The following SRPK2 variants were observed in gnomAD, a reference collection of about 807,000 sequenced individuals.
SRPK2 encodes the protein SFRS protein kinase 2.
SRPK2 carries 21 observed loss-of-function variants against 90.8 expected under a neutral mutation model. That is an observed-to-expected ratio of 0.23 (90% CI 0.16 to 0.33). SRPK2 has a LOEUF of 0.33. Ranked by LOEUF, SRPK2 falls within the 10% of genes least tolerant of loss-of-function variation. The probability of loss-of-function intolerance (pLI) is 1.00; values close to 1 mark genes in which losing one functional copy is unlikely to be tolerated. For synonymous variants in SRPK2, 288 were observed against 311.1 expected (o/e 0.93, Z 0.78); for missense variants, 620 against 869.0 (o/e 0.71, Z 3.60).
chr7:105,364,960 G>C (rs1461663946), intron 2 of SRPK2, among the ~76,000 whole-genome samples: 3 of 152,116 alleles, frequency 2.0e-5, no homozygotes, highest in Non-Finnish European at 4.4e-5. Flanking sequence ...ACAACCAAAG[G>C]ACTGGCAGCC....
chr7:105,134,941 G>A (rs1005881305), intron 11 of SRPK2, among the ~76,000 whole-genome samples: 5 of 152,144 alleles, frequency 3.3e-5, no homozygotes, highest in African/African-American at 7.2e-5. Context: ...TATGAGCTCA[G>A]GAAAAGAAAC....
chr7:105,137,938 G>T (rs1485947173), intron 11 of SRPK2, among the ~76,000 whole-genome samples: 1 of 152,136 alleles, frequency 6.6e-6, no homozygotes, highest in African/African-American at 2.4e-5. Flanking sequence ...CACCTCCCAT[G>T]GGGGAGGCTG....
At chr7:105,188,794 G>C (rs1558048) in intron 3 of SRPK2, among the ~76,000 whole-genome samples, 62,424 of 152,110 alleles carry the variant, frequency 0.41, 14,765 homozygotes, top group Non-Finnish European at 0.53. Flanking sequence ...ACTCGTAACA[G>C]GTTCTGTTTG....
chr7:105,386,995 G>A (rs1049005477), intron 2 of SRPK2, among the ~76,000 whole-genome samples: 12 of 152,090 alleles, frequency 7.9e-5, no homozygotes, highest in African/African-American at 2.7e-4. Context: ...CCAAACTGCG[G>A]CCCACCAAAA....
intron 2 of SRPK2, among the ~76,000 whole-genome samples, chr7:105,328,365 C>G (rs909005317): frequency 6.8e-6 from 1 of 148,006 alleles, no homozygotes; most frequent in South Asian, 2.1e-4. Flanking sequence ...AGTTTGAGAC[C>G]AGCCTGGCAA....
chr7:105,182,196 A>C (rs2129598990), intron 3 of SRPK2, among the ~76,000 whole-genome samples: 1 of 141,258 alleles, frequency 7.1e-6, no homozygotes, highest in Non-Finnish European at 1.5e-5. Context: ...ACACCACTGC[A>C]CTCCAGCCTG....
chr7:105,241,328 TGGACTCCGGAGAA>T (rs904675398), intron 2 of SRPK2, among the ~76,000 whole-genome samples: 79 of 152,290 alleles, frequency 5.2e-4, no homozygotes, highest in Non-Finnish European at 9.3e-4. Context: ...ATAGAGAAAC[TGGACTCCGGAGAA>T]GGACTCCGGA....
intron 3 of SRPK2, among the ~76,000 whole-genome samples, chr7:105,170,969 G>GAAAGAAAGAAAT: frequency 2.0e-5 from 1 of 51,142 alleles, no homozygotes; most frequent in African/African-American, 8.6e-5. Flanking sequence ...GAAAGAAAGA[G>GAAAGAAAGAAAT]AAAGAAAGAG....
chr7:105,223,993 C>G (rs1312499660), intron 2 of SRPK2, among the ~76,000 whole-genome samples: 1 of 152,044 alleles, frequency 6.6e-6, no homozygotes, highest in African/African-American at 2.4e-5. Flanking sequence ...TATATATTCC[C>G]CACCTGGAAT....
chr7:105,322,181 G>A (rs529016346), intron 2 of SRPK2, among the ~76,000 whole-genome samples: 3 of 152,330 alleles, frequency 2.0e-5, no homozygotes, highest in East Asian at 1.9e-4. Flanking sequence ...CTGGGAGGCC[G>A]AGGCGGACAG....
At chr7:105,324,958 T>C (rs551772249) in intron 2 of SRPK2, among the ~76,000 whole-genome samples, 1 of 152,304 alleles carries the variant, frequency 6.6e-6, no homozygotes, top group Non-Finnish European at 1.5e-5. Flanking sequence ...TATTGTAAAA[T>C]CCACCATGCT....
intron 3 of SRPK2, among the ~76,000 whole-genome samples, chr7:105,177,752 G>A (rs565721504): frequency 6.6e-6 from 1 of 152,244 alleles, no homozygotes; most frequent in East Asian, 1.9e-4. Flanking sequence ...GCTAGGCACG[G>A]TGGCTCACGC....
At chr7:105,309,861 T>C (rs1433497679) in intron 2 of SRPK2, among the ~76,000 whole-genome samples, 1 of 152,180 alleles carries the variant, frequency 6.6e-6, no homozygotes, top group East Asian at 1.9e-4. Context: ...ACACACTCTG[T>C]TACACAAGCA....
intron 2 of SRPK2, among the ~76,000 whole-genome samples, chr7:105,279,233 C>T (rs1028122513): frequency 4.6e-5 from 7 of 151,910 alleles, no homozygotes; most frequent in African/African-American, 1.2e-4. Context: ...GCGGTGTTGG[C>T]GCAGGCAGAA....
intron 2 of SRPK2, among the ~76,000 whole-genome samples, chr7:105,369,861 C>T (rs1218069271): frequency 6.6e-6 from 1 of 152,076 alleles, no homozygotes; most frequent in Non-Finnish European, 1.5e-5. Context: ...AACCCCGTCT[C>T]TACTAAAAAT....
intron 2 of SRPK2, among the ~76,000 whole-genome samples, chr7:105,372,755 T>A (rs1003799871): frequency 1.2e-4 from 19 of 152,114 alleles, no homozygotes; most frequent in Admixed American, 1.2e-3. Flanking sequence ...TATGTAATAA[T>A]TTTTCCTCTT....
At chr7:105,374,391 A>G (rs1020114129) in intron 2 of SRPK2, among the ~76,000 whole-genome samples, 1 of 152,198 alleles carries the variant, frequency 6.6e-6, no homozygotes, top group Non-Finnish European at 1.5e-5. Context: ...TAAGAGCCTT[A>G]AAAAGGTTCA....
intron 15 of SRPK2, among the ~76,000 whole-genome samples, chr7:105,121,515 A>T (rs1800381377): frequency 6.6e-6 from 1 of 152,360 alleles, no homozygotes; most frequent in Non-Finnish European, 1.5e-5. Context: ...AATGTGGAAT[A>T]TCACTTCACC....
At chr7:105,170,843 GAAAGAAAGAAAGAA>G (rs1790802465) in intron 3 of SRPK2, among the ~76,000 whole-genome samples, 1 of 10,016 alleles carries the variant, frequency 1.0e-4, no homozygotes, top group Admixed American at 1.3e-3. Context: ...AAGGAAGAAA[GAAAGAAAGAAAGAA>G]AGAAAGAAAG....
Sources: gnomAD v4.1 joint callset for allele counts (sites outside exome capture counted in the v4.1 genomes callset) on GRCh38, gnomAD v4.1.1 for gene constraint, MANE v1.5 for transcripts, NCBI Gene and HGNC (gene_info 2026-07-23, HGNC 2026-07-21) for gene names.